Variants in IKBKG observed in about 807,000 individuals in gnomAD.
The protein encoded by IKBKG is NF-kappa-B essential modulator.
IKBKG carries 2 observed loss-of-function variants against 13.7 expected under a neutral mutation model. The observed-to-expected ratio is 0.15, with a 90% CI of 0.06 to 0.46. The LOEUF (loss-of-function observed/expected upper bound fraction) is 0.46, where lower values mean the gene tolerates loss of function less well. IKBKG is among the 20% of genes least tolerant of loss of function. The pLI, the probability that IKBKG is intolerant of heterozygous loss-of-function variation, is 0.98. For missense variants in IKBKG, 53 were observed against 150.3 expected, an observed-to-expected ratio of 0.35 and a Z score of 3.39; for synonymous variants, 22 against 64.4, an observed-to-expected ratio of 0.34 and a Z score of 3.15.
chrX:154,551,880 G>T (rs1234359438), intron 1 of IKBKG, 108 bp from the exon 2 acceptor site: 1 of 578,936 alleles, frequency 1.7e-6, no homozygotes, highest in Non-Finnish European at 2.5e-6. Flanking sequence ...GATACACTAG[G>T]TGAATTATCA....
upstream of IKBKG, chrX:154,546,866 C>T (rs1388938712): frequency 3.9e-5 from 43 of 1,101,250 alleles, no homozygotes; most frequent in Non-Finnish European, 4.8e-5. Context: ...GCCCCGCCGG[C>T]CCATTTAATC....
chrX:154,542,364 C>T, upstream of IKBKG: 1 of 1,207,046 alleles, frequency 8.3e-7, no homozygotes, highest in South Asian at 1.8e-5. Flanking sequence ...GTGAAGCTCT[C>T]CAGCATCATC....
intron 2 of IKBKG, among the ~76,000 whole-genome samples, chrX:154,553,308 C>T (rs781860405): frequency 8.9e-6 from 1 of 112,660 alleles, no homozygotes; most frequent in Admixed American, 9.3e-5. Flanking sequence ...GGGCCCACTC[C>T]CCCGCCTTCT....
intron 6 of IKBKG, 39 bp from the exon 7 acceptor site, chrX:154,562,771 G>T: frequency 3.6e-6 from 1 of 280,350 alleles, no homozygotes. Flanking sequence ...CTCGCCCTGG[G>T]CTGACGAGGC....
upstream of IKBKG, chrX:154,546,166 G>A (rs782555841): frequency 1.5e-5 from 18 of 1,210,091 alleles, no homozygotes; most frequent in African/African-American, 2.1e-4. Flanking sequence ...GACGCTGTCT[G>A]GTGGAAGAAA....
chrX:154,545,836 CAAAAAAAAAAA>C (rs781893284), upstream of IKBKG: 4 of 283,498 alleles, frequency 1.4e-5, no homozygotes. Flanking sequence ...ACTCCGTCTC[CAAAAAAAAAAA>C]AAAAAAAAAG....
chrX:154,548,861 C>T (rs1270154006), intron 1 of IKBKG, among the ~76,000 whole-genome samples: 1 of 111,290 alleles, frequency 9.0e-6, no homozygotes, highest in Non-Finnish European at 1.9e-5. Flanking sequence ...CCACTGCGCT[C>T]GGCCAGTATA....
upstream of IKBKG, chrX:154,547,592 T>C (rs1028298663): frequency 8.8e-5 from 66 of 753,982 alleles, no homozygotes; most frequent in South Asian, 1.4e-4. Flanking sequence ...CTTGTGTTTT[T>C]ACTTCCGGAT....
upstream of IKBKG, chrX:154,542,359 G>A (rs782519851): frequency 1.6e-4 from 196 of 1,205,107 alleles, no homozygotes; most frequent in Non-Finnish European, 2.1e-4. Context: ...TCCCTGTGAA[G>A]CTCTCCAGCA....
chrX:154,545,218 T>C (rs1181650090), upstream of IKBKG, among the ~76,000 whole-genome samples: 1 of 111,104 alleles, frequency 9.0e-6, no homozygotes, highest in Non-Finnish European at 1.9e-5. Context: ...GAGTGCAGAA[T>C]GGCGGTTCTA....
At chrX:154,544,235 C>A (rs781856005), upstream of IKBKG, among the ~76,000 whole-genome samples, 2 of 109,881 alleles carry the variant, frequency 1.8e-5, no homozygotes, top group African/African-American at 6.6e-5. Flanking sequence ...GATCTCAGCT[C>A]ACTGCAACCT....
upstream of IKBKG, chrX:154,545,890 C>A: frequency 1.4e-6 from 1 of 718,261 alleles, no homozygotes; most frequent in Middle Eastern, 4.2e-4. Flanking sequence ...CAGGTAGAGC[C>A]GGGATGATCC....
intron 2 of IKBKG, among the ~76,000 whole-genome samples, chrX:154,553,716 C>A (rs782172554): frequency 1.2e-4 from 13 of 112,897 alleles, no homozygotes; most frequent in Non-Finnish European, 2.3e-4. Flanking sequence ...GCCAGTAGCA[C>A]CTGTCCTGTT....
At chrX:154,553,588 T>C (rs1300068229) in intron 2 of IKBKG, among the ~76,000 whole-genome samples, 1 of 112,574 alleles carries the variant, frequency 8.9e-6, no homozygotes, top group Admixed American at 9.4e-5. Flanking sequence ...AGACCCAACA[T>C]GACCTGCCTG....
chrX:154,541,489 G>A (rs1449675898), intron 1 of IKBKG: 1 of 112,016 alleles, frequency 8.9e-6, no homozygotes, highest in Non-Finnish European at 1.9e-5. Flanking sequence ...CTCTCCTCAG[G>A]ACTCAGGGGT....
upstream of IKBKG, chrX:154,542,447 G>T (rs781983439): frequency 3.4e-6 from 4 of 1,178,368 alleles, no homozygotes; most frequent in South Asian, 5.8e-5. Flanking sequence ...TTTCTGGAAG[G>T]GGGCAGTAAG....
At chrX:154,552,241 C>T (rs2070954497) in intron 2 of IKBKG, 52 bp downstream of exon 2, 2 of 1,031,410 alleles carry the variant, frequency 1.9e-6, no homozygotes, top group Non-Finnish European at 2.6e-6. Flanking sequence ...GCGTCTTCTC[C>T]CCACCTGCAC....
chrX:154,545,738 G>C (rs1183811955), upstream of IKBKG: 1 of 283,070 alleles, frequency 3.5e-6, no homozygotes, highest in Admixed American at 5.4e-5. Context: ...GGGGGGCTGA[G>C]GCAGGAGAAT....
At chrX:154,548,548 G>A (rs1281739539) in intron 1 of IKBKG, among the ~76,000 whole-genome samples, 1 of 112,326 alleles carries the variant, frequency 8.9e-6, no homozygotes, top group African/African-American at 3.2e-5. Context: ...AGAAAAATGA[G>A]TATAGTAAAT....
Sources: gnomAD v4.1 joint callset for allele counts (sites outside exome capture counted in the v4.1 genomes callset) on GRCh38, gnomAD v4.1.1 for gene constraint, MANE v1.5 for transcripts, NCBI Gene and HGNC (gene_info 2026-07-23, HGNC 2026-07-21) for gene names.